Variants in ADGRL2 observed in about 807,000 individuals in gnomAD.
ADGRL2 encodes calcium-independent alpha-latrotoxin receptor 2.
In ADGRL2, 44 loss-of-function variants were observed where a neutral mutation model predicts 157.4. The observed-to-expected ratio is 0.28, with a 90% CI of 0.22 to 0.36. The LOEUF (loss-of-function observed/expected upper bound fraction) is 0.36, where lower values mean the gene tolerates loss of function less well. ADGRL2 is among the 10% of genes least tolerant of loss of function. ADGRL2 has a pLI of 1.00. For missense variants in ADGRL2, 1,510 were observed against 1,768.9 expected (o/e 0.85, Z 2.63); for synonymous variants, 585 against 624.7 (o/e 0.94, Z 0.95).
intron 1 of ADGRL2, among the ~76,000 whole-genome samples, chr1:81,810,388 A>G (rs1209848859): frequency 7.4e-6 from 1 of 134,654 alleles, no homozygotes; most frequent in Non-Finnish European, 1.6e-5. Context: ...AAGTATTTCT[A>G]TGTGGAATTA....
intron 3 of ADGRL2, among the ~76,000 whole-genome samples, chr1:81,608,634 G>A (rs1478381707): frequency 2.6e-5 from 4 of 151,984 alleles, no homozygotes; most frequent in Non-Finnish European, 5.9e-5. Flanking sequence ...ATCTCATTTA[G>A]CCCCTATGTT....
At chr1:81,831,154 T>A (rs1285701181) in intron 1 of ADGRL2, among the ~76,000 whole-genome samples, 3 of 152,170 alleles carry the variant, frequency 2.0e-5, no homozygotes, top group Non-Finnish European at 4.4e-5. Context: ...TCCATGACTA[T>A]TAAAGATACA....
At chr1:81,465,526 A>G (rs1304037262) in intron 2 of ADGRL2, among the ~76,000 whole-genome samples, 1 of 152,184 alleles carries the variant, frequency 6.6e-6, no homozygotes, top group Non-Finnish European at 1.5e-5. Flanking sequence ...TGCAAGTGTT[A>G]AGAATATCAT....
intron 7 of ADGRL2, 32 bp from the exon 8 acceptor site, chr1:81,950,986 A>T (rs1203496475): frequency 7.0e-7 from 1 of 1,437,528 alleles, no homozygotes; most frequent in East Asian, 2.3e-5. Flanking sequence ...AAATGGTTTC[A>T]ATTTCACTGT....
chr1:81,615,978 A>G (rs1246091392), intron 3 of ADGRL2, among the ~76,000 whole-genome samples: 1 of 152,142 alleles, frequency 6.6e-6, no homozygotes, highest in Non-Finnish European at 1.5e-5. Flanking sequence ...TTCAGACTGC[A>G]GGTATCAATC....
intron 3 of ADGRL2, among the ~76,000 whole-genome samples, chr1:81,649,072 T>G (rs1436636012): frequency 1.3e-5 from 2 of 152,088 alleles, no homozygotes; most frequent in African/African-American, 4.8e-5. Context: ...ATTCTCAAAC[T>G]AAATACCCAA....
intron 1 of ADGRL2, among the ~76,000 whole-genome samples, chr1:81,415,986 G>A (rs1183387346): frequency 6.6e-6 from 1 of 151,774 alleles, no homozygotes. Flanking sequence ...GACTACAGGC[G>A]CCCGCCACCA....
chr1:81,519,404 G>A (rs535274658), intron 2 of ADGRL2, among the ~76,000 whole-genome samples: 2 of 151,984 alleles, frequency 1.3e-5, no homozygotes, highest in South Asian at 4.2e-4. Context: ...ACTATTGAAT[G>A]ACCCAGTAAT....
intron 2 of ADGRL2, among the ~76,000 whole-genome samples, chr1:81,845,394 C>T (rs1287028622): frequency 6.6e-6 from 1 of 151,980 alleles, no homozygotes; most frequent in African/African-American, 2.4e-5. Context: ...GAGATATAGA[C>T]ATCTTTCAAA....
At chr1:81,468,393 G>A (rs2078103921) in intron 2 of ADGRL2, among the ~76,000 whole-genome samples, 1 of 152,050 alleles carries the variant, frequency 6.6e-6, no homozygotes, top group African/African-American at 2.4e-5. Flanking sequence ...TGGCCTCAAA[G>A]CAAAGGCAGA....
intron 3 of ADGRL2, among the ~76,000 whole-genome samples, chr1:81,582,372 G>A (rs190530290): frequency 2.2e-4 from 34 of 152,048 alleles, no homozygotes; most frequent in African/African-American, 8.0e-4. Context: ...TTATACTTTT[G>A]CATGGCTTCT....
chr1:81,706,790 A>G (rs1001473409), intron 1 of ADGRL2, among the ~76,000 whole-genome samples: 2 of 152,156 alleles, frequency 1.3e-5, no homozygotes, highest in African/African-American at 4.8e-5. Flanking sequence ...CAAGGAGGAG[A>G]CACAGACAAG....
At chr1:81,380,188 G>A (rs531754816) in intron 1 of ADGRL2, among the ~76,000 whole-genome samples, 142 of 152,224 alleles carry the variant, frequency 9.3e-4, no homozygotes, top group African/African-American at 3.4e-3. Flanking sequence ...TTCTTTGACT[G>A]CTAATGAAGT....
At chr1:81,501,683 C>A in intron 2 of ADGRL2, 1 of 1,561,320 alleles carries the variant, frequency 6.4e-7, no homozygotes, top group South Asian at 1.2e-5. Flanking sequence ...ACCCGGAGTG[C>A]CCCGCACAGG....
intron 17 of ADGRL2, among the ~76,000 whole-genome samples, chr1:81,975,622 G>T (rs906309301): frequency 2.0e-5 from 3 of 148,916 alleles, no homozygotes; most frequent in African/African-American, 7.4e-5. Context: ...GGAGGAGAAA[G>T]AAATCACTTA....
intron 1 of ADGRL2, among the ~76,000 whole-genome samples, chr1:81,397,443 C>T (rs2076676271): frequency 6.6e-6 from 1 of 150,770 alleles, no homozygotes; most frequent in Admixed American, 6.6e-5. Context: ...CCTCAGCCTC[C>T]CAAGTAGCTG....
chr1:81,316,452 T>C (rs183659560), intron 1 of ADGRL2, among the ~76,000 whole-genome samples: 187 of 152,266 alleles, frequency 1.2e-3, no homozygotes, highest in African/African-American at 4.2e-3. Context: ...AAAAATATCT[T>C]TGGATTTAGA....
chr1:81,542,220 G>C (rs2148331742), intron 2 of ADGRL2, among the ~76,000 whole-genome samples: 1 of 152,302 alleles, frequency 6.6e-6, no homozygotes, highest in South Asian at 2.1e-4. Flanking sequence ...CCCAGTTCTT[G>C]TGGATGGTAA....
intron 2 of ADGRL2, among the ~76,000 whole-genome samples, chr1:81,560,112 C>T (rs1336896019): frequency 6.6e-6 from 1 of 152,056 alleles, no homozygotes; most frequent in Admixed American, 6.5e-5. Flanking sequence ...TTCACAATGC[C>T]TAACAGTGAT....
Sources: allele counts gnomAD v4.1 joint callset (sites outside exome capture counted in the v4.1 genomes callset), GRCh38; gene constraint gnomAD v4.1.1; transcripts MANE v1.5; gene names NCBI Gene and HGNC (gene_info 2026-07-23, HGNC 2026-07-21).